TDRD9: variants seen among roughly 807,000 people sequenced by gnomAD.
TDRD9 encodes the protein tudor domain containing 9.
TDRD9 carries 124 observed loss-of-function variants against 172.6 expected under a neutral mutation model. That is an observed-to-expected ratio of 0.72 (90% confidence interval 0.62 to 0.83). TDRD9 has a LOEUF of 0.83. Among genes scored for constraint, TDRD9 ranks in the 40% least tolerant of loss-of-function variants. The pLI, the probability that TDRD9 is intolerant of heterozygous loss-of-function variation, is 0.00. For missense variants in TDRD9, 1,479 were observed against 1,714.1 expected, an observed-to-expected ratio of 0.86 and a Z score of 2.42; for synonymous variants, 619 against 617.1, an observed-to-expected ratio of 1.00 and a Z score of -0.05.
At chr14:103,972,305 TAA>T (rs11312685) in intron 6 of TDRD9, among the ~76,000 whole-genome samples, 32 of 148,876 alleles carry the variant, frequency 2.1e-4, no homozygotes, top group Non-Finnish European at 3.6e-4. Flanking sequence ...AGACTGCATT[TAA>T]AAAAAAAAAC....
At chr14:104,048,431 A>G (rs2035843847) in intron 34 of TDRD9, among the ~76,000 whole-genome samples, 1 of 151,758 alleles carries the variant, frequency 6.6e-6, no homozygotes, top group African/African-American at 2.4e-5. Flanking sequence ...TCTTATTTTT[A>G]TTTTTTAGCC....
chr14:103,993,777 A>C (rs1354386255), intron 9 of TDRD9, among the ~76,000 whole-genome samples: 1 of 152,070 alleles, frequency 6.6e-6, no homozygotes, highest in Admixed American at 6.6e-5. Context: ...ATCTGCAATG[A>C]CTCTATTTCC....
In TDRD9 at chr14:103,953,135, T is replaced by C. The variant is rs191951582; in HGVS notation, c.216-2529T>C. On this transcript the variant is annotated intron_variant, in intron 1 of 35. Transcript: ENST00000409874. Reference sequence around the variant, plus strand: ...ATGCTGTTAAACTAAAAGTCAGATATTGTTATTTCTCTCTCTGCTCAAAAC... The same window carrying C: ...ATGCTGTTAAACTAAAAGTCAGATACTGTTATTTCTCTCTCTGCTCAAAAC... Among the ~76,000 whole-genome samples, 4 of 152,292 alleles carry C rather than the reference T, an allele frequency of 2.6e-5. No individual in the cohort carries two copies. In the East Asian group the frequency reaches 7.7e-4, roughly 29 times the overall value.
intron 11 of TDRD9, 86 bp downstream of exon 11, chr14:103,994,689 C>T (rs577952109): frequency 8.9e-6 from 10 of 1,119,824 alleles, no homozygotes; most frequent in African/African-American, 3.1e-5. Flanking sequence ...TTCTGGGTGT[C>T]GTGGCTCATG....
chr14:103,929,527 C>T (rs1263766220), intron 1 of TDRD9, among the ~76,000 whole-genome samples: 1 of 151,828 alleles, frequency 6.6e-6, no homozygotes, highest in Non-Finnish European at 1.5e-5. Context: ...CAAGTTCTCC[C>T]CCCACCCCCC....
chr14:103,969,959 A>G (rs2032947506), intron 5 of TDRD9, among the ~76,000 whole-genome samples: 1 of 152,014 alleles, frequency 6.6e-6, no homozygotes, highest in Non-Finnish European at 1.5e-5. Flanking sequence ...CTCGGGTCCT[A>G]ACCTTGCTCT....
In TDRD9 at chr14:103,952,188, G is replaced by GTATATA. The variant is rs2031921492; in HGVS notation, c.216-3475_216-3474insATATAT. ...TGTGTATATATGTGTGTGCGTGTGT[G>GTATATA]TGTATATATATATATATATATATAT... On this transcript the variant is annotated intron_variant, in intron 1 of 35. Transcript: ENST00000409874. Among the ~76,000 whole-genome samples the GTATATA allele has an allele frequency of 5.8e-4, 33 of 56,736 alleles. 1 individual carries two copies. The highest frequency in any genetic ancestry group is 7.8e-4 in the Admixed American group (3 of 3,856). 37.2% of individuals were successfully genotyped at this position (56,736 alleles called of 152,430 possible). A position where few individuals can be genotyped will look rare whatever the true frequency, so the allele number is the denominator to read the frequency against.
intron 28 of TDRD9, among the ~76,000 whole-genome samples, chr14:104,027,430 T>G (rs1454020344): frequency 6.6e-6 from 1 of 152,182 alleles, no homozygotes; most frequent in Non-Finnish European, 1.5e-5. Flanking sequence ...CCAAGATTTA[T>G]CTCCCTAATG....
intron 1 of TDRD9, among the ~76,000 whole-genome samples, chr14:103,943,902 GC>G (rs1360246324): frequency 6.6e-6 from 1 of 152,130 alleles, no homozygotes; most frequent in African/African-American, 2.4e-5. Context: ...GTTAGAAAAA[GC>G]CAGATGTCAG....
At chr14:103,995,468 C>T (rs993457248) in intron 11 of TDRD9, among the ~76,000 whole-genome samples, 2 of 152,172 alleles carry the variant, frequency 1.3e-5, no homozygotes, top group Non-Finnish European at 2.9e-5. Context: ...CCTCTCCACC[C>T]CACCAAAGTT....
chr14:103,955,679 G>A lies in TDRD9; in HGVS notation c.231G>A (p.Arg77=). 6.4e-7 allele frequency: 1 copy of A among 1,550,924 alleles called. No homozygotes were observed. The highest frequency in any genetic ancestry group is 8.7e-7 in the Non-Finnish European group (1 of 1,146,648). ...TTCTTTTCAGGTCACTCAGCCAAAG[G>A]AGCTCAGAAGTAGAGTATATTAACA... ...AAAFERSLSQ[R]SSEVEYINKY... The change falls in exon 2 of 36, where the codon AGG becomes AGA. Residue 77 remains arginine (R), a synonymous_variant. Coordinates refer to ENST00000409874, the MANE Select transcript of TDRD9 (RefSeq NM_153046.3).
intron 2 of TDRD9, among the ~76,000 whole-genome samples, chr14:103,962,299 C>A (rs148668503): frequency 5.9e-5 from 9 of 152,270 alleles, no homozygotes; most frequent in African/African-American, 2.2e-4. Flanking sequence ...GTTGAAATTT[C>A]AAGGAAAAGT....
chr14:104,027,840 C>G (rs1284323315), intron 28 of TDRD9, among the ~76,000 whole-genome samples: 1 of 152,174 alleles, frequency 6.6e-6, no homozygotes, highest in Non-Finnish European at 1.5e-5. Flanking sequence ...CAACTTCTCT[C>G]TATTCTCCCC....
At chr14:104,051,414 T>A (rs922212343) in intron 35 of TDRD9, among the ~76,000 whole-genome samples, 1 of 152,262 alleles carries the variant, frequency 6.6e-6, no homozygotes, top group African/African-American at 2.4e-5. Context: ...GGTGAATATG[T>A]AAATGCATGT....
chr14:103,991,164 A>G lies in TDRD9; in HGVS notation c.1120A>G (p.Lys374Glu). 3 of 1,614,008 alleles carry G rather than the reference A, an allele frequency of 1.9e-6. No individual in the cohort carries two copies. ...DDLDMKESGN[K>E]AWSGAQFVLE... ...TGCACATCACATTTTTAACAGGAAC[A>G]AGGCTTGGTCGGGGGCCCAGTTTGT... is the stretch of plus-strand genomic sequence containing the variant. Residue 374 changes from lysine to glutamate, a missense_variant, in exon 9 of 36, where the codon AAG (lysine) becomes GAG (glutamate). Coordinates refer to ENST00000409874, the MANE Select transcript of TDRD9 (RefSeq NM_153046.3).
At chr14:103,957,042 T>C (rs1273558736) in intron 2 of TDRD9, among the ~76,000 whole-genome samples, 2 of 152,204 alleles carry the variant, frequency 1.3e-5, no homozygotes, top group African/African-American at 4.8e-5. Flanking sequence ...AAGTATGAAA[T>C]ACAGTCAATA....
chr14:104,027,199 ATTAT>A (rs1286879757), intron 28 of TDRD9, among the ~76,000 whole-genome samples: 2 of 152,074 alleles, frequency 1.3e-5, no homozygotes, highest in Non-Finnish European at 2.9e-5. Context: ...ATTTTTAAAA[ATTAT>A]TTATTTATTT....
In TDRD9 at chr14:103,995,780, T is replaced by G; in HGVS notation, c.1351T>G (p.Ser451Ala). ...IILSTNIAES[S>A]VTVPDVKYVI... The stretch of plus-strand genomic sequence containing the variant: ...TCTGTCCACCAATATTGCAGAGAGT[T>G]CTGTCACAGTTCCAGATGTCAAATA... Residue 451 changes from serine to alanine, a missense_variant, in exon 12 of 36, where the codon TCT becomes GCT. Coordinates refer to ENST00000409874, the MANE Select transcript of TDRD9 (RefSeq NM_153046.3). 2.5e-6 allele frequency: 4 copies of G among 1,609,888 alleles called. No homozygotes were observed. The highest frequency in any genetic ancestry group is 3.4e-6 in the Non-Finnish European group (4 of 1,178,346).
chr14:104,052,135 A>T lies in TDRD9; in HGVS notation c.*53A>T. On this transcript the variant is annotated 3_prime_UTR_variant, in exon 36 of 36. Coordinates refer to ENST00000409874, the MANE Select transcript of TDRD9 (RefSeq NM_153046.3). ...CCCCTCAGGAAGCTGTGGAGGCTGG[A>T]TTCCAGGCTCCCTCCGCAGACTGAC... 1 of 1,330,830 alleles carries T rather than the reference A, an allele frequency of 7.5e-7. No individual in the cohort carries two copies. 82.4% of individuals were successfully genotyped at this position (1,330,830 alleles called of 1,614,324 possible). A position where few individuals can be genotyped will look rare whatever the true frequency, so the allele number is the denominator to read the frequency against.
Sources: gnomAD v4.1 joint callset for allele counts (sites outside exome capture counted in the v4.1 genomes callset) on GRCh38, gnomAD v4.1.1 for gene constraint, MANE v1.5 for transcripts, NCBI Gene and HGNC (gene_info 2026-07-23, HGNC 2026-07-21) for gene names.